The following DDAH1 variants were observed in gnomAD, a reference collection of about 807,000 sequenced individuals.
DDAH1 encodes N(G),N(G)-dimethylarginine dimethylaminohydrolase 1.
DDAH1 carries 19 observed loss-of-function variants against 28.8 expected under a neutral mutation model. The ratio of observed to expected loss-of-function variants is 0.66; its 90% CI spans 0.46 to 0.97. DDAH1 has a LOEUF of 0.97. DDAH1 is among the 50% of genes least tolerant of loss of function. The probability of loss-of-function intolerance (pLI) is 0.00; values close to 1 mark genes in which losing one functional copy is unlikely to be tolerated. For synonymous variants in DDAH1, 153 were observed against 154.4 expected (o/e 0.99, Z 0.07); for missense variants, 326 against 375.9 (o/e 0.87, Z 1.10).
intron 1 of DDAH1, among the ~76,000 whole-genome samples, chr1:85,391,533 C>T (rs2100555368): frequency 6.6e-6 from 1 of 152,182 alleles, no homozygotes; most frequent in Non-Finnish European, 1.5e-5. Flanking sequence ...CTTATAACCC[C>T]AGGATATCTG....
chr1:85,442,053 A>G (rs1170609306), intron 1 of DDAH1, among the ~76,000 whole-genome samples: 2 of 152,014 alleles, frequency 1.3e-5, no homozygotes, highest in Non-Finnish European at 2.9e-5. Context: ...TAATGCTTTA[A>G]GTTCTAGGGT....
intron 1 of DDAH1, among the ~76,000 whole-genome samples, chr1:85,539,171 A>C (rs1319048353): frequency 1.7e-4 from 25 of 150,750 alleles, no homozygotes; most frequent in Non-Finnish European, 2.8e-4. Context: ...TTTGAAACAG[A>C]GTTTTGCTCT....
chr1:85,440,543 C>T lies in DDAH1; in HGVS notation c.303+24200G>A, dbSNP rs550247629. Among the ~76,000 whole-genome samples the T allele has an allele frequency of 1.2e-4, 19 of 152,304 alleles. 1 individual carries two copies. The East Asian group carries it at 3.5e-3, about 28-fold the overall frequency. On this transcript the variant is annotated intron_variant, in intron 1 of 5. Coordinates refer to ENST00000284031, the MANE Select transcript of DDAH1 (RefSeq NM_012137.4). ...TTTATTTTTCATCCCTGACCCTATA[C>T]AGGACTACTCTCAATAATTCCAGTC...
intron 1 of DDAH1, among the ~76,000 whole-genome samples, chr1:85,360,269 T>C (rs558762851): frequency 6.6e-6 from 1 of 152,356 alleles, no homozygotes; most frequent in South Asian, 2.1e-4. Context: ...GGAACTCATG[T>C]AAAAATTCCA....
chr1:85,438,587 C>T (rs931300727), intron 1 of DDAH1, among the ~76,000 whole-genome samples: 7 of 152,282 alleles, frequency 4.6e-5, no homozygotes, highest in African/African-American at 1.4e-4. Flanking sequence ...TATTCTAGTC[C>T]TCTTTGAGCA....
intron 1 of DDAH1, among the ~76,000 whole-genome samples, chr1:85,412,015 T>C (rs1285907392): frequency 2.0e-5 from 3 of 152,258 alleles, no homozygotes; most frequent in African/African-American, 7.2e-5. Flanking sequence ...TGATATAGAA[T>C]GTACTTGTGG....
chr1:85,546,777 AC>A (rs1399779019), intron 1 of DDAH1, among the ~76,000 whole-genome samples: 1 of 152,176 alleles, frequency 6.6e-6, no homozygotes, highest in Non-Finnish European at 1.5e-5. Context: ...ATTAAGGAGA[AC>A]TTAGAAAAAA....
chr1:85,367,351 A>G (rs922075825), intron 1 of DDAH1, among the ~76,000 whole-genome samples: 1 of 152,044 alleles, frequency 6.6e-6, no homozygotes, highest in East Asian at 1.9e-4. Context: ...TACCTATCCC[A>G]TTCCCTTCCT....
At chr1:85,409,327 G>A (rs1366138071) in intron 1 of DDAH1, among the ~76,000 whole-genome samples, 1 of 152,138 alleles carries the variant, frequency 6.6e-6, no homozygotes, top group Non-Finnish European at 1.5e-5. Context: ...GTCTTGAACT[G>A]CTAATCCACA....
At chr1:85,534,951 A>G in intron 1 of DDAH1, among the ~76,000 whole-genome samples, 1 of 152,160 alleles carries the variant, frequency 6.6e-6, no homozygotes, top group East Asian at 1.9e-4. Context: ...ACGTGACCAA[A>G]AACACAGTGT....
At chr1:85,395,862 A>C (rs1651790314) in intron 1 of DDAH1, among the ~76,000 whole-genome samples, 2 of 152,108 alleles carry the variant, frequency 1.3e-5, no homozygotes, top group Non-Finnish European at 2.9e-5. Context: ...TTAAAATTTT[A>C]AAACAAGGTT....
intron 1 of DDAH1, among the ~76,000 whole-genome samples, chr1:85,429,752 T>A (rs1653580421): frequency 6.6e-6 from 1 of 152,226 alleles, no homozygotes; most frequent in South Asian, 2.1e-4. Flanking sequence ...GATTTGCATT[T>A]CTCTAATGAC....
intron 2 of DDAH1, chr1:85,488,250 A>G (rs1261501734): frequency 1.3e-5 from 2 of 152,166 alleles, no homozygotes; most frequent in African/African-American, 4.8e-5. Context: ...ACAAAATACT[A>G]TAGATTGGGT....
At chr1:85,338,927 A>G (rs1396177884) in intron 4 of DDAH1, among the ~76,000 whole-genome samples, 2 of 151,464 alleles carry the variant, frequency 1.3e-5, no homozygotes, top group African/African-American at 2.4e-5. Flanking sequence ...TATGTCTGTA[A>G]TCCCAGCTAC....
At chr1:85,491,548 A>G (rs1287545193) in intron 2 of DDAH1, among the ~76,000 whole-genome samples, 3 of 152,200 alleles carry the variant, frequency 2.0e-5, no homozygotes, top group Non-Finnish European at 2.9e-5. Context: ...TACATCAGAA[A>G]TAGAGAGTAT....
chr1:85,496,172 T>A (rs1377093358), exon 2 of DDAH1: 1 of 959,780 alleles, frequency 1.0e-6, no homozygotes, highest in African/African-American at 1.8e-5. Flanking sequence ...TTACCTAATA[T>A]AAATTTAGAA....
chr1:85,530,625 T>C (rs1263535863), intron 1 of DDAH1, among the ~76,000 whole-genome samples: 12 of 151,646 alleles, frequency 7.9e-5, no homozygotes, highest in African/African-American at 2.7e-4. Flanking sequence ...AGCCATTTTA[T>C]GAGGAAAAAA....
At chr1:85,560,048 TACCA>T (rs1659096300) in intron 1 of DDAH1, among the ~76,000 whole-genome samples, 1 of 150,902 alleles carries the variant, frequency 6.6e-6, no homozygotes, top group African/African-American at 2.4e-5. Context: ...AAGGAGAAAA[TACCA>T]AAAGCAGCCA....
Position 85,464,917 on chromosome 1 carries a change from C to G in DDAH1, c.129G>C (p.Ala43=). The G allele has an allele frequency of 1.3e-6, 2 of 1,556,800 alleles. No homozygotes were observed. Among genetic ancestry groups the G allele is most frequent in the Middle Eastern group, 1.9e-4 (1 of 5,394 alleles). The change falls in exon 1 of 6, where the codon GCG becomes GCC. Residue 43 remains alanine (A), a synonymous_variant. Coordinates refer to ENST00000284031, the MANE Select transcript of DDAH1 (RefSeq NM_012137.4). This position sits in a 1 kb window ranked among gnomAD's most constrained non-coding sequence, Gnocchi z 4.4. ...AKGEEVDVAR[A]ERQHQLYVGV... is the part of the protein sequence containing the mutation. Reference sequence around the variant, plus strand: ...CCACGTAGAGCTGGTGCTGCCGTTCCGCGCGGGCGACGTCCACCTCCTCGC... The same window carrying G: ...CCACGTAGAGCTGGTGCTGCCGTTCGGCGCGGGCGACGTCCACCTCCTCGC...
Sources: gnomAD v4.1 joint callset for allele counts (sites outside exome capture counted in the v4.1 genomes callset) on GRCh38, gnomAD v4.1.1 for gene constraint, Gnocchi (gnomAD v3.1) non-coding constraint, MANE v1.5 for transcripts, NCBI Gene and HGNC (gene_info 2026-07-23, HGNC 2026-07-21) for gene names.